Variants in SLC1A1 observed in about 807,000 individuals in gnomAD.
SLC1A1 encodes excitatory amino acid transporter 3.
A neutral mutation model predicts 53.3 loss-of-function variants in SLC1A1; 43 were observed. The observed-to-expected ratio is 0.81, with a 90% CI of 0.63 to 1.04. The LOEUF (loss-of-function observed/expected upper bound fraction) is 1.04, where lower values mean the gene tolerates loss of function less well. Among genes scored for constraint, SLC1A1 ranks in the 50% least tolerant of loss-of-function variants. The probability of loss-of-function intolerance (pLI) is 0.00; values close to 1 mark genes in which losing one functional copy is unlikely to be tolerated. For synonymous variants in SLC1A1, 307 were observed against 243.2 expected, an observed-to-expected ratio of 1.26 and a Z score of -2.44; for missense variants, 748 against 664.9, an observed-to-expected ratio of 1.12 and a Z score of -1.37.
intron 1 of SLC1A1, among the ~76,000 whole-genome samples, chr9:4,495,016 C>T (rs1820364009): frequency 6.6e-6 from 1 of 152,174 alleles, no homozygotes; most frequent in East Asian, 1.9e-4. Flanking sequence ...AGGAAGCAAT[C>T]ATGCATAGAT....
At chr9:4,584,252 G>A (rs923551180) in intron 11 of SLC1A1, among the ~76,000 whole-genome samples, 8 of 152,260 alleles carry the variant, frequency 5.3e-5, no homozygotes, top group African/African-American at 1.9e-4. Flanking sequence ...TGGCTTGGAA[G>A]CTGTGCCATG....
chr9:4,537,475 C>T (rs1327942178), intron 1 of SLC1A1, among the ~76,000 whole-genome samples: 2 of 99,812 alleles, frequency 2.0e-5, no homozygotes, highest in East Asian at 4.2e-4. Flanking sequence ...AGGAGAATGG[C>T]GTGAACCCGG....
chr9:4,547,020 A>C (rs559547735), intron 2 of SLC1A1, among the ~76,000 whole-genome samples: 1 of 152,382 alleles, frequency 6.6e-6, no homozygotes, highest in Admixed American at 6.5e-5. Context: ...CTCGAGGTAA[A>C]ACAGGTTTTA....
At chr9:4,511,356 G>T (rs1820992102) in intron 1 of SLC1A1, among the ~76,000 whole-genome samples, 1 of 152,116 alleles carries the variant, frequency 6.6e-6, no homozygotes, top group African/African-American at 2.4e-5. Context: ...TGGCAAGGCA[G>T]CTCTCTGGGA....
intron 6 of SLC1A1, among the ~76,000 whole-genome samples, chr9:4,571,512 C>T (rs1820045957): frequency 6.6e-6 from 1 of 152,028 alleles, no homozygotes; most frequent in Admixed American, 6.6e-5. Context: ...CCTGTCTCTA[C>T]TAAAAATACA....
chr9:4,562,986 G>A (rs1335863425), intron 3 of SLC1A1, among the ~76,000 whole-genome samples: 2 of 149,102 alleles, frequency 1.3e-5, no homozygotes, highest in Admixed American at 6.7e-5. Flanking sequence ...GGGGAGGGGA[G>A]AGGGATAGCA....
intron 1 of SLC1A1, among the ~76,000 whole-genome samples, chr9:4,501,668 G>T (rs1820636110): frequency 6.6e-6 from 1 of 151,774 alleles, no homozygotes; most frequent in East Asian, 1.9e-4. Flanking sequence ...GGAGGCTGAG[G>T]CAGGAGAATT....
intron 1 of SLC1A1, among the ~76,000 whole-genome samples, chr9:4,515,874 C>A (rs1318254194): frequency 6.6e-6 from 1 of 152,186 alleles, no homozygotes; most frequent in African/African-American, 2.4e-5. Context: ...GCCTTCTGTC[C>A]TGTGTGTTTC....
chr9:4,526,301 T>G (rs1021143625), intron 1 of SLC1A1, among the ~76,000 whole-genome samples: 1 of 152,242 alleles, frequency 6.6e-6, no homozygotes, highest in Non-Finnish European at 1.5e-5. Flanking sequence ...TATGGAATAC[T>G]GAACAGCACT....
At chr9:4,534,824 C>A (rs1816612761) in intron 1 of SLC1A1, among the ~76,000 whole-genome samples, 1 of 152,102 alleles carries the variant, frequency 6.6e-6, no homozygotes, top group African/African-American at 2.4e-5. Flanking sequence ...TACTGGCAAA[C>A]CAAATCCAGC....
At position 4,586,194 on chromosome 9, in the gene SLC1A1, C is replaced by G. The variant is rs913348580; in HGVS notation, c.*636C>G. 1 of 154,430 alleles carries G rather than the reference C, an allele frequency of 6.5e-6. No individual in the cohort carries two copies. The highest frequency in any genetic ancestry group is 1.4e-5 in the Non-Finnish European group (1 of 69,752). The allele number at this position is 154,430 out of a possible 1,614,324, so 9.6% of individuals were successfully genotyped here. ...GTATTGGGACGCTGGTAACTGTTAA[C>G]CCAGTGTTCAGCATAGAGCTATATA... On this transcript the variant is annotated 3_prime_UTR_variant, in exon 12 of 12. Coordinates refer to ENST00000262352, the MANE Select transcript of SLC1A1 (RefSeq NM_004170.6).
At chr9:4,515,419 T>C (rs183934520) in intron 1 of SLC1A1, among the ~76,000 whole-genome samples, 6 of 152,286 alleles carry the variant, frequency 3.9e-5, no homozygotes, top group Admixed American at 3.9e-4. Context: ...CGTTTATTTT[T>C]CCTTTGTTGG....
intron 1 of SLC1A1, among the ~76,000 whole-genome samples, chr9:4,496,757 C>A (rs993750726): frequency 6.6e-6 from 1 of 152,004 alleles, no homozygotes; most frequent in African/African-American, 2.4e-5. Flanking sequence ...ATTAGCCAGG[C>A]ACGATGGTGC....
At chr9:4,504,227 C>T (rs749455357) in intron 1 of SLC1A1, among the ~76,000 whole-genome samples, 1 of 152,172 alleles carries the variant, frequency 6.6e-6, no homozygotes, top group Non-Finnish European at 1.5e-5. Context: ...CAGCTTGGCA[C>T]TGAATCAACC....
intron 1 of SLC1A1, among the ~76,000 whole-genome samples, chr9:4,505,792 G>C (rs1217142930): frequency 6.6e-6 from 1 of 152,134 alleles, no homozygotes; most frequent in Non-Finnish European, 1.5e-5. Context: ...GAGTAGCTGG[G>C]ATTATAGGCA....
chr9:4,561,847 G>C (rs1818976392), intron 3 of SLC1A1, among the ~76,000 whole-genome samples: 1 of 152,104 alleles, frequency 6.6e-6, no homozygotes, highest in African/African-American at 2.4e-5. Context: ...AAACTTTATG[G>C]TACTTTGACA....
intron 1 of SLC1A1, among the ~76,000 whole-genome samples, chr9:4,537,848 G>A (rs972089375): frequency 6.6e-6 from 1 of 151,976 alleles, no homozygotes; most frequent in East Asian, 1.9e-4. Context: ...AGACATTGGT[G>A]ACAGTTGTAC....
Position 4,585,651 on chromosome 9 carries a change from C to A in SLC1A1, c.*93C>A. 1 of 1,441,784 alleles carries A rather than the reference C, an allele frequency of 6.9e-7. No individual in the cohort carries two copies. Among genetic ancestry groups the A allele is most frequent in the Non-Finnish European group, 9.7e-7 (1 of 1,027,376 alleles). The allele number at this position is 1,441,784 out of a possible 1,614,324, so 89.3% of individuals were successfully genotyped here. A position where few individuals can be genotyped will look rare whatever the true frequency, so the allele number is the denominator to read the frequency against. On this transcript the variant is annotated 3_prime_UTR_variant, in exon 12 of 12. Transcript: ENST00000262352. Reference sequence around the variant, plus strand: ...TAAGGAAAAGAGAAACACTAATGGCCAAGTGTACATTTGATTTGATATACA... The same window carrying A: ...TAAGGAAAAGAGAAACACTAATGGCAAAGTGTACATTTGATTTGATATACA...
At chr9:4,509,430 A>C (rs968793885) in intron 1 of SLC1A1, among the ~76,000 whole-genome samples, 2 of 152,062 alleles carry the variant, frequency 1.3e-5, no homozygotes, top group Non-Finnish European at 2.9e-5. Context: ...CTATTAGCTC[A>C]TCTAGGCCTG....
Sources: allele counts gnomAD v4.1 joint callset (sites outside exome capture counted in the v4.1 genomes callset), GRCh38; gene constraint gnomAD v4.1.1; transcripts MANE v1.5; gene names NCBI Gene and HGNC (gene_info 2026-07-23, HGNC 2026-07-21).